ILDR1: variants seen among roughly 807,000 people sequenced by gnomAD.
ILDR1 encodes the protein immunoglobulin-like domain-containing receptor 1.
Under a neutral mutation model 62.4 loss-of-function variants are expected in ILDR1, and 56 were observed. The observed-to-expected ratio is 0.90, with a 90% confidence interval of 0.72 to 1.12. The LOEUF (loss-of-function observed/expected upper bound fraction) is 1.12, where lower values mean the gene tolerates loss of function less well. Among genes scored for constraint, ILDR1 ranks in the 50% most tolerant of loss-of-function variants. The pLI, the probability that ILDR1 is intolerant of heterozygous loss-of-function variation, is 0.00. For synonymous variants in ILDR1, 284 were observed against 277.8 expected (o/e 1.02, Z -0.22); for missense variants, 736 against 710.6 (o/e 1.04, Z -0.41).
intron 1 of ILDR1, among the ~76,000 whole-genome samples, chr3:122,010,415 A>AT (rs970466557): frequency 5.9e-5 from 9 of 151,828 alleles, no homozygotes; most frequent in Middle Eastern, 3.2e-3. Context: ...ATGAAAAAAA[A>AT]ATATATATCA....
At position 122,001,980 on chromosome 3, in the gene ILDR1, TA is replaced by T. The variant is rs369348114; in HGVS notation, c.380-117del. 0.012 allele frequency: 13,954 copies of T among 1,133,440 alleles called. 802 individuals carry two copies. In the African/African-American group the frequency reaches 0.16, roughly 13 times the overall value. The allele number at this position is 1,133,440 out of a possible 1,614,324, so 70.2% of individuals were successfully genotyped here. ...AAGACCTTGTATTTACAAAAAATAA[TA>T]AAAAAAAAATTATCCAGCCATGGTG... On this transcript the variant is annotated intron_variant, in intron 3 of 7. Transcript: ENST00000344209.
At chr3:122,056,848 A>G in the ILDR1 span, among the ~76,000 whole-genome samples, 328 of 152,350 alleles carry the variant, frequency 2.2e-3, 1 homozygote, top group Non-Finnish European at 3.7e-3. Flanking sequence ...TTGTGGTACC[A>G]TAGAGGGGAT....
At chr3:122,047,613 G>C in the ILDR1 span, among the ~76,000 whole-genome samples, 4 of 152,224 alleles carry the variant, frequency 2.6e-5, no homozygotes, top group African/African-American at 4.8e-5. Context: ...ATATAATCTC[G>C]TGGTTCGCCG....
chr3:122,045,468 A>G, the ILDR1 span, among the ~76,000 whole-genome samples: 1 of 152,142 alleles, frequency 6.6e-6, no homozygotes, highest in Non-Finnish European at 1.5e-5. Context: ...ATTCCTGGGT[A>G]TCCCTGTTGA....
the ILDR1 span, among the ~76,000 whole-genome samples, chr3:122,048,714 G>A: frequency 6.6e-6 from 1 of 152,186 alleles, no homozygotes; most frequent in African/African-American, 2.4e-5. Context: ...TGGAACGTAA[G>A]TGTTCACAGC....
chr3:122,032,530 A>C, the ILDR1 span, among the ~76,000 whole-genome samples: 1 of 152,038 alleles, frequency 6.6e-6, no homozygotes, highest in Non-Finnish European at 1.5e-5. Flanking sequence ...TGGTGATCTT[A>C]AGATATGTCC....
At chr3:122,057,777 T>A in the ILDR1 span, among the ~76,000 whole-genome samples, 2 of 152,212 alleles carry the variant, frequency 1.3e-5, no homozygotes, top group Admixed American at 6.5e-5. Flanking sequence ...CCATAACTCA[T>A]TAGATCTTGA....
In ILDR1 at chr3:121,988,087, AT is replaced by A. The variant is rs1435294005; in HGVS notation, c.*279del. On this transcript the variant is annotated 3_prime_UTR_variant, in exon 8 of 8. Transcript: ENST00000344209. ...GCCACCACACCTAACTAATTTTTATATTTTTTGTAGAGACGGGGTCTCACTA... is the reference window on the plus strand; with the variant it reads ...GCCACCACACCTAACTAATTTTTATATTTTTGTAGAGACGGGGTCTCACTA... 4.3e-6 allele frequency: 2 copies of A among 460,740 alleles called. No homozygotes were observed. The highest frequency in any genetic ancestry group is 4.1e-6 in the Non-Finnish European group (1 of 244,004). The allele number at this position is 460,740 out of a possible 1,614,324, so 28.5% of individuals were successfully genotyped here. A position where few individuals can be genotyped will look rare whatever the true frequency, so the allele number is the denominator to read the frequency against.
chr3:122,042,604 C>A, the ILDR1 span, among the ~76,000 whole-genome samples: 4 of 151,254 alleles, frequency 2.6e-5, no homozygotes, highest in African/African-American at 7.3e-5. Context: ...TAAATGATTG[C>A]CATTCTAACT....
At chr3:122,057,048 C>A in the ILDR1 span, among the ~76,000 whole-genome samples, 80 of 152,160 alleles carry the variant, frequency 5.3e-4, no homozygotes, top group Non-Finnish European at 6.0e-4. Context: ...AGTGAAGTAT[C>A]ATTTTTTCTC....
chr3:122,029,551 A>C, the ILDR1 span, among the ~76,000 whole-genome samples: 1 of 147,054 alleles, frequency 6.8e-6, no homozygotes, highest in Non-Finnish European at 1.5e-5. Context: ...AATGGGACTC[A>C]CCAGTCTTAA....
chr3:122,047,522 C>A, the ILDR1 span, among the ~76,000 whole-genome samples: 1 of 152,166 alleles, frequency 6.6e-6, no homozygotes, highest in East Asian at 1.9e-4. Flanking sequence ...GCCTCGCTGC[C>A]GCCTTGCATT....
At chr3:122,038,634 A>G in the ILDR1 span, among the ~76,000 whole-genome samples, 3 of 152,246 alleles carry the variant, frequency 2.0e-5, no homozygotes, top group Non-Finnish European at 4.4e-5. Context: ...AAATTTGAAG[A>G]GACAAAGGAA....
Position 121,988,392 on chromosome 3 carries a change from T to A in ILDR1, c.1616A>T (p.His539Leu), listed in dbSNP as rs1164282655. ...CTAAATGACCACACTCCTTCCACTA[T>A]GAGAGCTGTCTTTCTCCTGGGAAAT... ...VERRSEKDSS[H>L]SGRSVVI The change falls in exon 8 of 8, where the codon CAT becomes CTT. Residue 539 changes from histidine (H) to leucine (L), a missense_variant. His to Leu is a moderately conservative substitution (Grantham distance 99, BLOSUM62 -3). Transcript: ENST00000344209. The A allele has an allele frequency of 6.2e-7, 1 of 1,613,672 alleles. No individual in the cohort carries two copies. The highest frequency in any genetic ancestry group is 8.5e-7 in the Non-Finnish European group (1 of 1,179,746).
chr3:122,001,026 C>T (rs966697158), intron 5 of ILDR1, among the ~76,000 whole-genome samples: 30 of 152,190 alleles, frequency 2.0e-4, no homozygotes, highest in African/African-American at 7.2e-4. Context: ...GATCGAAGCA[C>T]AGGTACATCA....
chr3:122,021,986 G>C (rs1446460431), intron 1 of ILDR1, 34 bp downstream of exon 1: 14 of 1,592,092 alleles, frequency 8.8e-6, no homozygotes, highest in Non-Finnish European at 1.2e-5. Flanking sequence ...TGTCTCCTTG[G>C]GTCCAGGGTG....
chr3:122,060,247 G>A, the ILDR1 span, among the ~76,000 whole-genome samples: 1 of 152,192 alleles, frequency 6.6e-6, no homozygotes, highest in East Asian at 1.9e-4. Context: ...CGAAGTAGGA[G>A]AATGACTGAA....
chr3:122,052,459 T>C, the ILDR1 span, among the ~76,000 whole-genome samples: 8 of 152,338 alleles, frequency 5.3e-5, no homozygotes, highest in South Asian at 4.1e-4. Flanking sequence ...TATTTTTTTG[T>C]TCTCAGTGTC....
the ILDR1 span, among the ~76,000 whole-genome samples, chr3:122,035,975 C>CT: frequency 6.6e-6 from 1 of 152,186 alleles, no homozygotes; most frequent in Non-Finnish European, 1.5e-5. Flanking sequence ...TTCCTAGAGA[C>CT]TTGTTGAATG....
Sources: gnomAD v4.1 joint callset for allele counts (sites outside exome capture counted in the v4.1 genomes callset) on GRCh38, gnomAD v4.1.1 for gene constraint, MANE v1.5 for transcripts, NCBI Gene and HGNC (gene_info 2026-07-23, HGNC 2026-07-21) for gene names.